SHC4: variants seen among roughly 807,000 people sequenced by gnomAD.
SHC4 encodes SHC-transforming protein 4.
In SHC4, 41 loss-of-function variants were observed where a neutral mutation model predicts 69.4. That is an observed-to-expected ratio of 0.59 (90% CI 0.46 to 0.77). The LOEUF (loss-of-function observed/expected upper bound fraction) is 0.77. Ranked by LOEUF, SHC4 falls within the 30% of genes least tolerant of loss-of-function variation. The pLI is 0.00. For missense variants in SHC4, 777 were observed against 783.8 expected (o/e 0.99, Z 0.10); for synonymous variants, 318 against 299.3 (o/e 1.06, Z -0.64).
Position 48,825,991 on chromosome 15 carries a change from G to A in SHC4, c.1873C>T (p.Leu625Phe), listed in dbSNP as rs752590593. Residue 625 changes from leucine (L) to phenylalanine (F), a missense_variant, in exon 12 of 12, where the codon CTT becomes TTT. Physicochemically the swap from Leu to Phe is conservative, Grantham distance 22. Coordinates refer to ENST00000332408, the MANE Select transcript of SHC4 (RefSeq NM_203349.4). ...TACTGTCATTTGTTGGAATGCAAAA[G>A]TGCTGGATTATTATCTTTTCTCACT... ...QPVRKDNNPA[L>F]LHSNK The A allele has an allele frequency of 1.2e-6, 2 of 1,613,628 alleles. No homozygotes were observed. Among genetic ancestry groups the A allele is most frequent in the East Asian group, 2.2e-5 (1 of 44,830 alleles).
At chr15:48,917,265 G>A (rs1900642494) in intron 2 of SHC4, among the ~76,000 whole-genome samples, 3 of 151,468 alleles carry the variant, frequency 2.0e-5, no homozygotes, top group Middle Eastern at 6.8e-3. Context: ...GTGTGTGTGT[G>A]TGTGTGTGTG....
intron 1 of SHC4, among the ~76,000 whole-genome samples, chr15:48,940,913 G>A (rs1044764128): frequency 2.6e-5 from 4 of 152,070 alleles, no homozygotes; most frequent in South Asian, 2.1e-4. Flanking sequence ...ACGGCTTTGC[G>A]GAAATGCAGC....
chr15:48,944,749 T>G (rs1336767248), intron 1 of SHC4, among the ~76,000 whole-genome samples: 1 of 152,234 alleles, frequency 6.6e-6, no homozygotes, highest in African/African-American at 2.4e-5. Context: ...AGGGTTCCTC[T>G]GCAGCCCCCT....
In SHC4 at chr15:48,825,696, T is replaced by TTA; in HGVS notation, c.*273_*274dup. 1 of 294,668 alleles carries TTA rather than the reference T, an allele frequency of 3.4e-6. No individual in the cohort carries two copies. Among genetic ancestry groups the TTA allele is most frequent in the Non-Finnish European group, 6.3e-6 (1 of 159,534 alleles). The allele number at this position is 294,668 out of a possible 1,614,324, so 18.3% of individuals were successfully genotyped here. On this transcript the variant is annotated 3_prime_UTR_variant, in exon 12 of 12. Transcript: ENST00000332408. ...AAATTTTAGTTGTGCTTTTAGCTTGTTATCAATGCAATATGGCCTTAAAAA... is the reference window on the plus strand; with the variant it reads ...AAATTTTAGTTGTGCTTTTAGCTTGTTATATCAATGCAATATGGCCTTAAAAA...
At chr15:48,961,663 A>G (rs1901548274) in intron 1 of SHC4, among the ~76,000 whole-genome samples, 1 of 152,206 alleles carries the variant, frequency 6.6e-6, no homozygotes, top group Non-Finnish European at 1.5e-5. Context: ...CATATTAGCT[A>G]TCTATTGCTA....
chr15:48,850,243 CT>C (rs1403797542), intron 9 of SHC4, among the ~76,000 whole-genome samples: 22 of 151,354 alleles, frequency 1.5e-4, no homozygotes, highest in Admixed American at 1.2e-3. Flanking sequence ...ATAAACTAAA[CT>C]AAACTAAAAT....
In SHC4 at chr15:48,831,535, G is replaced by A. The variant is rs999114103; in HGVS notation, c.1737+3234C>T. Among the ~76,000 whole-genome samples, 83 of 152,136 alleles carry A rather than the reference G, an allele frequency of 5.5e-4. 1 individual carries two copies. Among genetic ancestry groups the A allele is most frequent in the Middle Eastern group, 6.3e-3 (2 of 316 alleles). On this transcript the variant is annotated intron_variant, in intron 11 of 11. Coordinates refer to ENST00000332408, the MANE Select transcript of SHC4 (RefSeq NM_203349.4). ...TGTCTACAGTATTCAGTACACTAAC[G>A]TGCTGTATAGGTTTGCAACCTACAA...
At chr15:48,833,518 C>A (rs1333831856) in intron 11 of SHC4, among the ~76,000 whole-genome samples, 3 of 152,278 alleles carry the variant, frequency 2.0e-5, no homozygotes, top group East Asian at 3.9e-4. Flanking sequence ...TCCCCTCCCT[C>A]CCTTCTGAAG....
chr15:48,830,736 TG>T (rs1898782248), intron 11 of SHC4, among the ~76,000 whole-genome samples: 2 of 152,210 alleles, frequency 1.3e-5, no homozygotes, highest in African/African-American at 4.8e-5. Flanking sequence ...TAGAAAAGAA[TG>T]CTCATGTTGC....
At chr15:48,863,836 G>T (rs766233723) in intron 6 of SHC4, among the ~76,000 whole-genome samples, 8 of 152,058 alleles carry the variant, frequency 5.3e-5, no homozygotes, top group Non-Finnish European at 1.0e-4. Flanking sequence ...TGTGTGCTCA[G>T]GACGTAGAAT....
intron 1 of SHC4, among the ~76,000 whole-genome samples, chr15:48,960,726 A>G (rs1901533594): frequency 1.3e-5 from 2 of 152,230 alleles, no homozygotes; most frequent in Admixed American, 6.5e-5. Flanking sequence ...TGCTAGTTTT[A>G]TATGACTGTC....
intron 2 of SHC4, among the ~76,000 whole-genome samples, chr15:48,916,316 CA>C (rs1345263569): frequency 1.5e-4 from 20 of 137,926 alleles, no homozygotes; most frequent in Non-Finnish European, 2.7e-4. Context: ...CACACACACA[CA>C]CCCAGAAGTA....
chr15:48,952,322 G>A (rs1383498601), intron 1 of SHC4, among the ~76,000 whole-genome samples: 3 of 152,168 alleles, frequency 2.0e-5, no homozygotes, highest in Admixed American at 2.0e-4. Flanking sequence ...TCTAACTAGA[G>A]GAAGTTTTCA....
intron 1 of SHC4, among the ~76,000 whole-genome samples, chr15:48,961,535 T>C (rs1901546855): frequency 6.6e-6 from 1 of 152,216 alleles, no homozygotes; most frequent in Non-Finnish European, 1.5e-5. Context: ...AATCCCCTCC[T>C]TTCTGCCAAC....
At chr15:48,912,448 T>C (rs903751007) in intron 2 of SHC4, among the ~76,000 whole-genome samples, 1 of 152,234 alleles carries the variant, frequency 6.6e-6, no homozygotes, top group Non-Finnish European at 1.5e-5. Flanking sequence ...TATTGCTTCT[T>C]TTTCTTTAAG....
chr15:48,898,083 T>C (rs1900256139), intron 2 of SHC4, among the ~76,000 whole-genome samples: 1 of 152,220 alleles, frequency 6.6e-6, no homozygotes, highest in South Asian at 2.1e-4. Context: ...CCATGTGGTA[T>C]CATGCTGTTC....
At chr15:48,896,535 G>T (rs1435314923) in intron 2 of SHC4, among the ~76,000 whole-genome samples, 1 of 152,072 alleles carries the variant, frequency 6.6e-6, no homozygotes, top group Non-Finnish European at 1.5e-5. Flanking sequence ...TGGCCAGGCT[G>T]GTCTCAAACT....
chr15:48,849,633 T>TA (rs1899168714), intron 9 of SHC4, among the ~76,000 whole-genome samples: 1 of 152,172 alleles, frequency 6.6e-6, no homozygotes, highest in Non-Finnish European at 1.5e-5. Context: ...CAAGTGAGCT[T>TA]CAGTACAGGG....
chr15:48,899,300 C>G (rs1900276602), intron 2 of SHC4, among the ~76,000 whole-genome samples: 1 of 152,096 alleles, frequency 6.6e-6, no homozygotes, highest in African/African-American at 2.4e-5. Flanking sequence ...AACCCCATCT[C>G]TAGTAAAAAT....
Sources: allele counts gnomAD v4.1 joint callset (sites outside exome capture counted in the v4.1 genomes callset), GRCh38; gene constraint gnomAD v4.1.1; transcripts MANE v1.5; gene names NCBI Gene and HGNC (gene_info 2026-07-23, HGNC 2026-07-21).